The following GALNT13 variants were observed in gnomAD, a reference collection of about 807,000 sequenced individuals.
The protein encoded by GALNT13 is polypeptide N-acetylgalactosaminyltransferase 13.
A neutral mutation model predicts 64.2 loss-of-function variants in GALNT13; 28 were observed. The observed-to-expected ratio is 0.44, with a 90% CI of 0.32 to 0.60. GALNT13 has a LOEUF of 0.60. Ranked by LOEUF, GALNT13 falls within the 20% of genes least tolerant of loss-of-function variation. The pLI is 0.05. For synonymous variants in GALNT13, 214 were observed against 224.6 expected, an observed-to-expected ratio of 0.95 and a Z score of 0.42; for missense variants, 577 against 669.8, an observed-to-expected ratio of 0.86 and a Z score of 1.53.
chr2:153,120,890 G>A, the GALNT13 span, among the ~76,000 whole-genome samples: 3 of 152,078 alleles, frequency 2.0e-5, no homozygotes, highest in Non-Finnish European at 4.4e-5. Flanking sequence ...ATGTATCTAG[G>A]AAAAATAATT....
At chr2:153,615,881 A>G in the GALNT13 span, among the ~76,000 whole-genome samples, 1 of 151,868 alleles carries the variant, frequency 6.6e-6, no homozygotes. Context: ...CTCCCATTCT[A>G]TGGGTTGTCT....
At chr2:153,891,257 A>T (rs1385308564) in intron 1 of GALNT13, among the ~76,000 whole-genome samples, 2 of 152,052 alleles carry the variant, frequency 1.3e-5, no homozygotes, top group Non-Finnish European at 2.9e-5. Flanking sequence ...TTGCAAAATG[A>T]TGCAGGCCAA....
At chr2:153,283,761 C>A in the GALNT13 span, among the ~76,000 whole-genome samples, 1 of 152,154 alleles carries the variant, frequency 6.6e-6, no homozygotes, top group South Asian at 2.1e-4. Flanking sequence ...GCCATTCTGG[C>A]TGCTGATCAG....
At chr2:154,263,892 C>T (rs192105153) in intron 8 of GALNT13, among the ~76,000 whole-genome samples, 5 of 152,150 alleles carry the variant, frequency 3.3e-5, no homozygotes, top group African/African-American at 1.2e-4. Flanking sequence ...ACTTTCAAGA[C>T]ATTGAACAGC....
intron 4 of GALNT13, among the ~76,000 whole-genome samples, chr2:154,225,591 A>C (rs1218562234): frequency 1.3e-5 from 2 of 152,184 alleles, no homozygotes; most frequent in African/African-American, 4.8e-5. Flanking sequence ...ACGTAGGTAC[A>C]GGAGAAAAAC....
intron 4 of GALNT13, among the ~76,000 whole-genome samples, chr2:154,223,974 G>A (rs553922895): frequency 6.6e-6 from 1 of 152,116 alleles, no homozygotes; most frequent in African/African-American, 2.4e-5. Flanking sequence ...TTGCACTTCA[G>A]AAAATGCTTA....
intron 11 of GALNT13, chr2:154,409,343 A>G: frequency 2.4e-6 from 1 of 419,326 alleles, no homozygotes; most frequent in Admixed American, 3.8e-5. Context: ...ATCTCATTTT[A>G]TCATGTATTA....
chr2:154,361,941 A>C (rs1295408057), intron 9 of GALNT13, among the ~76,000 whole-genome samples: 1 of 152,072 alleles, frequency 6.6e-6, no homozygotes, highest in Non-Finnish European at 1.5e-5. Flanking sequence ...CTCATCTCTC[A>C]AGATAACTGG....
At chr2:153,883,057 T>C (rs1214082356) in intron 1 of GALNT13, among the ~76,000 whole-genome samples, 1 of 143,000 alleles carries the variant, frequency 7.0e-6, no homozygotes, top group Non-Finnish European at 1.5e-5. Context: ...TATCTATATA[T>C]ACACACATAT....
chr2:154,132,191 A>G (rs1298375793), intron 3 of GALNT13, among the ~76,000 whole-genome samples: 1 of 152,156 alleles, frequency 6.6e-6, no homozygotes, highest in Non-Finnish European at 1.5e-5. Flanking sequence ...CATCCAAACA[A>G]ATCAAGTTGA....
Position 154,242,714 on chromosome 2 carries a change from A to G in GALNT13, c.495A>G (p.Thr165=), listed in dbSNP as rs374708934. The G allele has an allele frequency of 6.2e-6, 10 of 1,610,838 alleles. No homozygotes were observed. The African/African-American group carries it at 9.4e-5, about 15-fold the overall frequency. The part of the protein sequence containing the change: ...DASERDFLKL[T]LENYVKNLEV... The stretch of plus-strand genomic sequence containing the variant: ...ATGTTACAGATTTTCTCAAGTTGAC[A>G]TTAGAGAATTACGTGAAAAATTTAG... Residue 165 remains threonine (T), a synonymous_variant, in exon 6 of 13, where the codon ACA becomes ACG. Transcript: ENST00000392825.
At chr2:153,874,624 T>C (rs1398700621) in intron 1 of GALNT13, among the ~76,000 whole-genome samples, 9 of 152,078 alleles carry the variant, frequency 5.9e-5, no homozygotes, top group Admixed American at 5.9e-4. Flanking sequence ...GTTGATTGAT[T>C]AGCATGCAGC....
the GALNT13 span, among the ~76,000 whole-genome samples, chr2:153,480,158 A>C: frequency 2.6e-5 from 4 of 152,302 alleles, no homozygotes; most frequent in East Asian, 7.7e-4. Context: ...TGTCAATTAA[A>C]AATAAAATAA....
chr2:153,699,114 C>T, the GALNT13 span, among the ~76,000 whole-genome samples: 11 of 151,952 alleles, frequency 7.2e-5, no homozygotes, highest in African/African-American at 9.7e-5. Flanking sequence ...CACAGCTACT[C>T]GGGAGGCTGA....
the GALNT13 span, among the ~76,000 whole-genome samples, chr2:153,603,624 T>C: frequency 6.6e-6 from 1 of 151,996 alleles, no homozygotes; most frequent in Non-Finnish European, 1.5e-5. Flanking sequence ...GACTTTGCTG[T>C]GAAAATAATT....
chr2:154,159,625 A>T (rs1684618956), intron 4 of GALNT13, among the ~76,000 whole-genome samples: 1 of 152,200 alleles, frequency 6.6e-6, no homozygotes, highest in Non-Finnish European at 1.5e-5. Flanking sequence ...AGACATACTA[A>T]GATGATGAAA....
upstream of GALNT13, among the ~76,000 whole-genome samples, chr2:153,868,715 C>T (rs891242170): frequency 1.3e-5 from 2 of 152,168 alleles, no homozygotes; most frequent in Non-Finnish European, 2.9e-5. Flanking sequence ...GTAGCTAAGG[C>T]CCTATACATT....
intron 3 of GALNT13, among the ~76,000 whole-genome samples, chr2:154,023,849 T>C (rs1003257004): frequency 1.3e-5 from 2 of 152,252 alleles, no homozygotes; most frequent in Admixed American, 6.5e-5. Flanking sequence ...TTCCTTTCCA[T>C]GTTTAGTGCT....
the GALNT13 span, among the ~76,000 whole-genome samples, chr2:153,588,241 G>A: frequency 1.3e-5 from 2 of 152,186 alleles, no homozygotes; most frequent in South Asian, 4.1e-4. Flanking sequence ...GAGGATGGTG[G>A]CCTTCTTTTC....
Sources: allele counts gnomAD v4.1 joint callset (sites outside exome capture counted in the v4.1 genomes callset), GRCh38; gene constraint gnomAD v4.1.1; transcripts MANE v1.5; gene names NCBI Gene and HGNC (gene_info 2026-07-23, HGNC 2026-07-21).